SEMA3D: variants seen among roughly 807,000 people sequenced by gnomAD.
SEMA3D encodes semaphorin-3D.
In SEMA3D, 84 loss-of-function variants were observed where a neutral mutation model predicts 100.1. The ratio of observed to expected loss-of-function variants is 0.84; its 90% CI spans 0.70 to 1.01. SEMA3D has a LOEUF of 1.01. Among genes scored for constraint, SEMA3D ranks in the 50% least tolerant of loss-of-function variants. The pLI is 0.00. For missense variants in SEMA3D, 875 were observed against 934.1 expected (o/e 0.94, Z 0.82); for synonymous variants, 312 against 320.7 (o/e 0.97, Z 0.29).
chr7:85,096,723 A>C (rs1788565122), intron 4 of SEMA3D, among the ~76,000 whole-genome samples: 1 of 151,922 alleles, frequency 6.6e-6, no homozygotes, highest in Admixed American at 6.6e-5. Flanking sequence ...TATGAAGATA[A>C]ATATTTTGTG....
At chr7:85,130,234 A>G (rs1386927809) in intron 2 of SEMA3D, among the ~76,000 whole-genome samples, 1 of 152,166 alleles carries the variant, frequency 6.6e-6, no homozygotes, top group Non-Finnish European at 1.5e-5. Context: ...GCAACTATCA[A>G]TAACTAACAT....
intron 8 of SEMA3D, 54 bp downstream of exon 8, chr7:85,065,370 T>C: frequency 2.0e-6 from 3 of 1,518,638 alleles, no homozygotes; most frequent in East Asian, 2.3e-5. Flanking sequence ...ACACTTCTTA[T>C]CTATCTTAAA....
intron 1 of SEMA3D, among the ~76,000 whole-genome samples, chr7:85,161,788 T>A (rs1480021044): frequency 6.6e-6 from 1 of 152,176 alleles, no homozygotes; most frequent in Non-Finnish European, 1.5e-5. Context: ...TGGATTATGA[T>A]ATTTGAGTTA....
chr7:85,218,522 A>G, the SEMA3D span, among the ~76,000 whole-genome samples: 1 of 152,020 alleles, frequency 6.6e-6, no homozygotes, highest in Non-Finnish European at 1.5e-5. Context: ...ATTATAATTG[A>G]CTTTACATTA....
At chr7:85,079,059 C>A (rs1253883083) in intron 5 of SEMA3D, among the ~76,000 whole-genome samples, 1 of 152,088 alleles carries the variant, frequency 6.6e-6, no homozygotes, top group Non-Finnish European at 1.5e-5. Context: ...AGAGCACAGA[C>A]CTTGGAGCAA....
chr7:85,214,986 C>A, the SEMA3D span, among the ~76,000 whole-genome samples: 1 of 152,048 alleles, frequency 6.6e-6, no homozygotes, highest in African/African-American at 2.4e-5. Flanking sequence ...GTTTCCCTAT[C>A]AAGGTTATTT....
At chr7:85,004,528 C>G (rs774189783) in intron 18 of SEMA3D, among the ~76,000 whole-genome samples, 32 of 152,030 alleles carry the variant, frequency 2.1e-4, no homozygotes, top group Non-Finnish European at 4.4e-4. Flanking sequence ...AGAAAGTCAG[C>G]AGATAACTGA....
At chr7:85,159,830 A>G in intron 1 of SEMA3D, 2 of 984,824 alleles carry the variant, frequency 2.0e-6, no homozygotes, top group Non-Finnish European at 2.4e-6. Context: ...TTTCCTTCAC[A>G]CTGTCCTGCA....
intron 16 of SEMA3D, among the ~76,000 whole-genome samples, chr7:85,013,785 G>A (rs528482097): frequency 6.6e-6 from 1 of 151,792 alleles, no homozygotes; most frequent in East Asian, 2.0e-4. Flanking sequence ...ACAGTCTTGG[G>A]AAATACAAGA....
At chr7:85,161,362 TA>T (rs966620586) in intron 1 of SEMA3D, among the ~76,000 whole-genome samples, 4 of 121,776 alleles carry the variant, frequency 3.3e-5, no homozygotes, top group African/African-American at 1.0e-4. Flanking sequence ...TAATTAGCAA[TA>T]GGGGTAAATA....
At position 84,995,687 on chromosome 7, in the gene SEMA3D, A is replaced by C. The variant is rs1388064691; in HGVS notation, c.*3753T>G. 4 of 152,058 alleles carry C rather than the reference A, an allele frequency of 2.6e-5. No individual in the cohort carries two copies. The highest frequency in any genetic ancestry group is 1.5e-5 in the Non-Finnish European group (1 of 67,924). The allele number at this position is 152,058 out of a possible 1,614,324, so 9.4% of individuals were successfully genotyped here. A position where few individuals can be genotyped will look rare whatever the true frequency, so the allele number is the denominator to read the frequency against. On this transcript the variant is annotated 3_prime_UTR_variant, in exon 19 of 19. Transcript: ENST00000284136. ...TAGCAGAATTATAAATTCAAAATTG[A>C]TTGCTAACCACTCACAATACCAGAA...
At chr7:85,142,832 T>C (rs1790096426) in intron 2 of SEMA3D, 1 of 985,078 alleles carries the variant, frequency 1.0e-6, no homozygotes, top group Admixed American at 6.2e-5. Context: ...TTTCTCAAAA[T>C]AAATACAACC....
chr7:85,194,885 C>T, the SEMA3D span, among the ~76,000 whole-genome samples: 1 of 152,046 alleles, frequency 6.6e-6, no homozygotes, highest in African/African-American at 2.4e-5. Context: ...ATCTCCTCTT[C>T]TTATAAGGAC....
chr7:85,203,542 A>G, the SEMA3D span, among the ~76,000 whole-genome samples: 1 of 152,122 alleles, frequency 6.6e-6, no homozygotes, highest in African/African-American at 2.4e-5. Context: ...AACAAAATAT[A>G]AGCACCTGGA....
In SEMA3D at chr7:85,009,710, T is replaced by C. The variant is rs560762096; in HGVS notation, c.1769-2769A>G. Among the ~76,000 whole-genome samples the C allele has an allele frequency of 2.6e-5, 4 of 151,990 alleles. No homozygotes were observed. The South Asian group carries it at 8.3e-4, about 31-fold the overall frequency. On this transcript the variant is annotated intron_variant, in intron 17 of 18. Coordinates refer to ENST00000284136, the MANE Select transcript of SEMA3D (RefSeq NM_001384900.1). ...TTACCCAATCTATGTGAGGTCTTTC[T>C]GATTTTAATTATTGTTACTTCATTT...
At chr7:85,059,353 T>C (rs1791411555) in intron 8 of SEMA3D, among the ~76,000 whole-genome samples, 1 of 152,128 alleles carries the variant, frequency 6.6e-6, no homozygotes, top group African/African-American at 2.4e-5. Flanking sequence ...GTAATTTGAA[T>C]GGGAAAAATG....
chr7:85,229,636 G>T, the SEMA3D span, among the ~76,000 whole-genome samples: 1 of 151,982 alleles, frequency 6.6e-6, no homozygotes. Flanking sequence ...TAAAATTTCA[G>T]TCTCATTTTA....
chr7:85,241,398 C>T, the SEMA3D span, among the ~76,000 whole-genome samples: 1 of 148,210 alleles, frequency 6.7e-6, no homozygotes, highest in Admixed American at 6.8e-5. Flanking sequence ...GCACAGTTCA[C>T]AATTGCAAAA....
the SEMA3D span, among the ~76,000 whole-genome samples, chr7:85,194,748 T>C: frequency 6.6e-6 from 1 of 152,164 alleles, no homozygotes; most frequent in Non-Finnish European, 1.5e-5. Context: ...TTCTCACATT[T>C]CTGGAGGCTA....
Sources: gnomAD v4.1 joint callset for allele counts (sites outside exome capture counted in the v4.1 genomes callset) on GRCh38, gnomAD v4.1.1 for gene constraint, MANE v1.5 for transcripts, NCBI Gene and HGNC (gene_info 2026-07-23, HGNC 2026-07-21) for gene names.